ARHGAP12: variants seen among roughly 807,000 people sequenced by gnomAD.
ARHGAP12 encodes Rho GTPase activating protein 12.
In ARHGAP12, 64 loss-of-function variants were observed where a neutral mutation model predicts 108.6. The ratio of observed to expected loss-of-function variants is 0.59; its 90% CI spans 0.48 to 0.73. The LOEUF is 0.73. Among genes scored for constraint, ARHGAP12 ranks in the 30% least tolerant of loss-of-function variants. The pLI, the probability that ARHGAP12 is intolerant of heterozygous loss-of-function variation, is 0.00. For missense variants in ARHGAP12, 940 were observed against 1,005.9 expected, an observed-to-expected ratio of 0.93 and a Z score of 0.89; for synonymous variants, 312 against 337.2, an observed-to-expected ratio of 0.93 and a Z score of 0.82.
At chr10:31,893,814 A>G (rs1196269363) in intron 3 of ARHGAP12, among the ~76,000 whole-genome samples, 6 of 152,204 alleles carry the variant, frequency 3.9e-5, no homozygotes, top group Non-Finnish European at 7.3e-5. Context: ...TTGTAGACCA[A>G]TATCCCTGAC....
chr10:31,849,326 T>A (rs1227840272), intron 6 of ARHGAP12, among the ~76,000 whole-genome samples: 1 of 152,192 alleles, frequency 6.6e-6, no homozygotes, highest in African/African-American at 2.4e-5. Context: ...GTATACATTC[T>A]TTTTTACTCA....
intron 9 of ARHGAP12, 88 bp from the exon 10 acceptor site, chr10:31,831,888 C>A: frequency 1.4e-6 from 1 of 691,550 alleles, no homozygotes. Context: ...TGGTCTCGTT[C>A]TCTAAAAATT....
At chr10:31,816,168 C>CGTGTGTGTGTGTGTGTGTGTGTGTGTGT (rs201754040) in intron 13 of ARHGAP12, among the ~76,000 whole-genome samples, 2 of 136,428 alleles carry the variant, frequency 1.5e-5, no homozygotes, top group East Asian at 2.3e-4. Context: ...AAGAAAGAAA[C>CGTGTGTGTGTGTGTGTGTGTGTGTGTGT]GTGTGTGTGT....
At chr10:31,861,312 A>G (rs1249640607) in intron 4 of ARHGAP12, 83 bp downstream of exon 4, 1 of 1,483,704 alleles carries the variant, frequency 6.7e-7, no homozygotes, top group Non-Finnish European at 9.0e-7. Flanking sequence ...ACAGTAAGAA[A>G]CAAAACTATT....
At chr10:31,893,901 G>C (rs1301216459) in intron 3 of ARHGAP12, among the ~76,000 whole-genome samples, 1 of 152,144 alleles carries the variant, frequency 6.6e-6, no homozygotes, top group Non-Finnish European at 1.5e-5. Flanking sequence ...TATCCACTAC[G>C]ATCAAGTGGG....
intron 3 of ARHGAP12, among the ~76,000 whole-genome samples, chr10:31,876,468 C>T (rs931301457): frequency 1.3e-5 from 2 of 151,712 alleles, no homozygotes; most frequent in African/African-American, 2.4e-5. Context: ...CAAAACGGCA[C>T]CACTGCACTC....
chr10:31,828,648 C>T (rs1281838881), intron 10 of ARHGAP12, among the ~76,000 whole-genome samples: 3 of 152,032 alleles, frequency 2.0e-5, no homozygotes, highest in Non-Finnish European at 4.4e-5. Flanking sequence ...ATTATTGCCT[C>T]AAGGACTAAG....
chr10:31,857,033 C>T (rs1333212922), intron 4 of ARHGAP12, among the ~76,000 whole-genome samples: 3 of 152,144 alleles, frequency 2.0e-5, no homozygotes, highest in Admixed American at 1.3e-4. Context: ...TTTGCTGGAA[C>T]ATGTCCTTAT....
intron 9 of ARHGAP12, among the ~76,000 whole-genome samples, chr10:31,838,862 C>T (rs1836133652): frequency 6.8e-6 from 1 of 148,068 alleles, no homozygotes; most frequent in South Asian, 2.1e-4. Flanking sequence ...TTTAGCAGAG[C>T]GTGCTGGTGC....
chr10:31,824,311 G>A (rs1355968499), intron 11 of ARHGAP12, among the ~76,000 whole-genome samples: 1 of 152,026 alleles, frequency 6.6e-6, no homozygotes, highest in Non-Finnish European at 1.5e-5. Context: ...AATTATACCT[G>A]TCTGAACTGA....
At chr10:31,847,050 A>G (rs1041904744) in intron 6 of ARHGAP12, among the ~76,000 whole-genome samples, 3 of 152,018 alleles carry the variant, frequency 2.0e-5, no homozygotes, top group Admixed American at 2.0e-4. Flanking sequence ...TTTTGGCTCT[A>G]GGATTTCCCT....
intron 1 of ARHGAP12, among the ~76,000 whole-genome samples, chr10:31,915,440 C>A (rs996790958): frequency 2.7e-5 from 4 of 150,578 alleles, no homozygotes; most frequent in Non-Finnish European, 3.0e-5. Context: ...AGGCTAAGGG[C>A]CTAGGGGAGA....
chr10:31,918,419 T>C (rs561948874), intron 1 of ARHGAP12, among the ~76,000 whole-genome samples: 2 of 151,110 alleles, frequency 1.3e-5, no homozygotes, highest in South Asian at 2.1e-4. Flanking sequence ...AATTAAAAAA[T>C]AGACCAAGTA....
At chr10:31,849,153 T>C (rs1836577697) in intron 6 of ARHGAP12, among the ~76,000 whole-genome samples, 1 of 152,218 alleles carries the variant, frequency 6.6e-6, no homozygotes, top group South Asian at 2.1e-4. Context: ...TCTTCACATA[T>C]TTTATTTGAA....
intron 3 of ARHGAP12, among the ~76,000 whole-genome samples, chr10:31,867,118 GTTTT>G (rs1323433083): frequency 7.2e-6 from 1 of 138,514 alleles, no homozygotes; most frequent in African/African-American, 2.6e-5. Flanking sequence ...TCTTTTTTTT[GTTTT>G]TTTTTTTTTT....
chr10:31,864,806 CA>C (rs1837261337), intron 3 of ARHGAP12, among the ~76,000 whole-genome samples: 2 of 152,122 alleles, frequency 1.3e-5, no homozygotes, highest in Non-Finnish European at 2.9e-5. Flanking sequence ...GATTAGGCTA[CA>C]AATTATGAAT....
intron 3 of ARHGAP12, among the ~76,000 whole-genome samples, chr10:31,905,898 T>A (rs1839116524): frequency 7.0e-6 from 1 of 142,758 alleles, no homozygotes; most frequent in Non-Finnish European, 1.5e-5. Flanking sequence ...TATGGCATAC[T>A]TATTGTTATA....
At chr10:31,821,225 T>C (rs1181764437) in intron 11 of ARHGAP12, among the ~76,000 whole-genome samples, 1 of 152,134 alleles carries the variant, frequency 6.6e-6, no homozygotes, top group Non-Finnish European at 1.5e-5. Context: ...AATGAGGAAC[T>C]ATGAAAAGAA....
intron 3 of ARHGAP12, among the ~76,000 whole-genome samples, chr10:31,904,536 A>G (rs1458014631): frequency 1.3e-5 from 2 of 152,218 alleles, no homozygotes; most frequent in African/African-American, 2.4e-5. Flanking sequence ...AACTGTACCA[A>G]TCTGAAACCC....
Sources: gnomAD v4.1 joint callset for allele counts (sites outside exome capture counted in the v4.1 genomes callset) on GRCh38, gnomAD v4.1.1 for gene constraint, MANE v1.5 for transcripts, NCBI Gene and HGNC (gene_info 2026-07-23, HGNC 2026-07-21) for gene names.